Variants in LRMDA observed in about 807,000 individuals in gnomAD.
LRMDA encodes the protein leucine rich melanocyte differentiation associated.
LRMDA carries 18 observed loss-of-function variants against 29.8 expected under a neutral mutation model. That is an observed-to-expected ratio of 0.60 (90% CI 0.42 to 0.90). LRMDA has a LOEUF of 0.90. LRMDA is among the 40% of genes least tolerant of loss of function. The pLI, the probability that LRMDA is intolerant of heterozygous loss-of-function variation, is 0.00. For missense variants in LRMDA, 273 were observed against 273.9 expected, an observed-to-expected ratio of 1.00 and a Z score of 0.02; for synonymous variants, 125 against 109.4, an observed-to-expected ratio of 1.14 and a Z score of -0.89.
intron 5 of LRMDA, among the ~76,000 whole-genome samples, chr10:76,081,977 G>C (rs1849057103): frequency 6.6e-6 from 1 of 152,106 alleles, no homozygotes; most frequent in Non-Finnish European, 1.5e-5. Context: ...AGTAGCTTGG[G>C]TAGGAGGTAG....
At chr10:75,755,442 T>C (rs1843020476) in intron 2 of LRMDA, among the ~76,000 whole-genome samples, 1 of 152,178 alleles carries the variant, frequency 6.6e-6, no homozygotes, top group Admixed American at 6.5e-5. Context: ...TTTTGAACAG[T>C]GAACAAGAAA....
intron 6 of LRMDA, among the ~76,000 whole-genome samples, chr10:76,397,349 G>C (rs1346906211): frequency 6.6e-6 from 1 of 152,140 alleles, no homozygotes; most frequent in African/African-American, 2.4e-5. Flanking sequence ...CCTTCACTCT[G>C]AGCTTCAGGC....
Position 76,363,176 on chromosome 10 carries a change from A to AGAAAGAG in LRMDA, c.601+38692_601+38693insAAAGAGG, listed in dbSNP as rs1459442138. Among the ~76,000 whole-genome samples, 167 of 21,792 alleles carry AGAAAGAG rather than the reference A, an allele frequency of 7.7e-3. 9 individuals are homozygous for AGAAAGAG. Among genetic ancestry groups the AGAAAGAG allele is most frequent in the East Asian group, 0.018 (30 of 1,658 alleles). The allele number at this position is 21,792 out of a possible 152,430, so 14.3% of individuals were successfully genotyped here. On this transcript the variant is annotated intron_variant, in intron 6 of 6. Transcript: ENST00000611255. ...AAGAAAGAAAGAAAGAAAGAAAGAA[A>AGAAAGAG]GGAGGGAGGGAGGGAGGGAGGGAGG...
intron 2 of LRMDA, among the ~76,000 whole-genome samples, chr10:75,889,165 CA>C (rs1265961625): frequency 6.6e-6 from 1 of 152,148 alleles, no homozygotes; most frequent in Non-Finnish European, 1.5e-5. Context: ...GAGACAAAAT[CA>C]GCCTGTGTGC....
At chr10:75,668,968 G>A in intron 2 of LRMDA, among the ~76,000 whole-genome samples, 1 of 152,182 alleles carries the variant, frequency 6.6e-6, no homozygotes, top group East Asian at 1.9e-4. Flanking sequence ...GGACTAAGCT[G>A]TGGCTCAAGT....
At chr10:75,998,835 G>A (rs1564626499) in intron 2 of LRMDA, among the ~76,000 whole-genome samples, 1 of 152,200 alleles carries the variant, frequency 6.6e-6, no homozygotes, top group African/African-American at 2.4e-5. Flanking sequence ...GCTCTCTTGA[G>A]TTAATAATGT....
intron 2 of LRMDA, among the ~76,000 whole-genome samples, chr10:75,995,474 C>T (rs1427061991): frequency 1.3e-5 from 2 of 152,178 alleles, no homozygotes; most frequent in African/African-American, 2.4e-5. Context: ...CACATTACTA[C>T]CCCTAGGTGG....
intron 2 of LRMDA, among the ~76,000 whole-genome samples, chr10:75,803,541 T>A (rs1234652046): frequency 1.3e-5 from 2 of 152,206 alleles, no homozygotes; most frequent in African/African-American, 4.8e-5. Flanking sequence ...ATTAGCTGTG[T>A]GCCATTGGGC....
chr10:75,503,179 A>G (rs1589162599), intron 2 of LRMDA, among the ~76,000 whole-genome samples: 3 of 150,254 alleles, frequency 2.0e-5, no homozygotes, highest in South Asian at 4.2e-4. Context: ...GTTAGTTGAT[A>G]GCCTGTTTTT....
intron 2 of LRMDA, among the ~76,000 whole-genome samples, chr10:75,982,924 A>G (rs534189170): frequency 2.6e-5 from 4 of 152,286 alleles, no homozygotes; most frequent in East Asian, 3.9e-4. Context: ...CCTCGCAAGG[A>G]GCACATTCAT....
At chr10:75,676,848 C>A (rs73280856) in intron 2 of LRMDA, among the ~76,000 whole-genome samples, 19,799 of 152,028 alleles carry the variant, frequency 0.13, 3,055 homozygotes, top group African/African-American at 0.35. Context: ...TGGCTCTTCA[C>A]ATTCTCATTT....
At chr10:75,989,991 C>T (rs1366121389) in intron 2 of LRMDA, among the ~76,000 whole-genome samples, 1 of 152,140 alleles carries the variant, frequency 6.6e-6, no homozygotes. Flanking sequence ...CTCCTTAGGC[C>T]TTGGGTATAA....
At chr10:76,127,210 A>T (rs10762695) in intron 5 of LRMDA, among the ~76,000 whole-genome samples, 50,706 of 151,868 alleles carry the variant, frequency 0.33, 9,519 homozygotes, top group East Asian at 0.65. Context: ...TGATCTTAAT[A>T]AGTATGTTGT....
chr10:76,247,765 A>C (rs889732693), intron 5 of LRMDA, among the ~76,000 whole-genome samples: 2 of 152,276 alleles, frequency 1.3e-5, no homozygotes, highest in Middle Eastern at 3.4e-3. Context: ...AACATGATGT[A>C]TCAGAGGCTT....
chr10:75,698,773 C>T (rs533019505), intron 2 of LRMDA, among the ~76,000 whole-genome samples: 1 of 151,484 alleles, frequency 6.6e-6, no homozygotes, highest in East Asian at 1.9e-4. Flanking sequence ...AAAGCAGAAC[C>T]TTTATAATGG....
chr10:76,161,218 T>C (rs1850641840), intron 5 of LRMDA, among the ~76,000 whole-genome samples: 1 of 152,084 alleles, frequency 6.6e-6, no homozygotes, highest in East Asian at 1.9e-4. Context: ...TCTCTTTAAG[T>C]GAATGAGCAA....
intron 5 of LRMDA, among the ~76,000 whole-genome samples, chr10:76,215,011 C>A (rs201550253): frequency 2.0e-5 from 3 of 152,220 alleles, no homozygotes; most frequent in East Asian, 3.9e-4. Context: ...GCTGTTCTTA[C>A]AACCTGCCTG....
At chr10:76,136,848 C>T (rs1294941545) in intron 5 of LRMDA, among the ~76,000 whole-genome samples, 1 of 152,162 alleles carries the variant, frequency 6.6e-6, no homozygotes, top group Non-Finnish European at 1.5e-5. Context: ...CCAAGCGTAT[C>T]AATACCCCAA....
intron 2 of LRMDA, among the ~76,000 whole-genome samples, chr10:75,569,264 A>C (rs1221558423): frequency 6.6e-6 from 1 of 152,208 alleles, no homozygotes; most frequent in Non-Finnish European, 1.5e-5. Flanking sequence ...TGAGAGGTCA[A>C]ACCTGAAAAC....
Sources: allele counts gnomAD v4.1 joint callset (sites outside exome capture counted in the v4.1 genomes callset), GRCh38; gene constraint gnomAD v4.1.1; transcripts MANE v1.5; gene names NCBI Gene and HGNC (gene_info 2026-07-23, HGNC 2026-07-21).